Variants in NFKB1 observed in about 807,000 individuals in gnomAD.
NFKB1 encodes the protein nuclear factor kappa B subunit 1.
Under a neutral mutation model 105.1 loss-of-function variants are expected in NFKB1, and 9 were observed. The ratio of observed to expected loss-of-function variants is 0.09; its 90% CI spans 0.05 to 0.15. The LOEUF (loss-of-function observed/expected upper bound fraction) is 0.15. Ranked by LOEUF, NFKB1 falls within the 10% of genes least tolerant of loss-of-function variation. The pLI, the probability that NFKB1 is intolerant of heterozygous loss-of-function variation, is 1.00. For synonymous variants in NFKB1, 440 were observed against 442.2 expected, an observed-to-expected ratio of 1.00 and a Z score of 0.06; for missense variants, 830 against 1,203.7, an observed-to-expected ratio of 0.69 and a Z score of 4.59.
At chr4:102,531,007 T>C (rs1741255687) in intron 3 of NFKB1, among the ~76,000 whole-genome samples, 1 of 152,132 alleles carries the variant, frequency 6.6e-6, no homozygotes, top group South Asian at 2.1e-4. Context: ...AGTAAATGTG[T>C]TGGTAGTGTG....
chr4:102,580,718 A>G, intron 9 of NFKB1, 79 bp downstream of exon 9: 1 of 1,145,418 alleles, frequency 8.7e-7, no homozygotes, highest in Non-Finnish European at 1.3e-6. Flanking sequence ...TGTGAGTCAC[A>G]TTTCAGCAGT....
chr4:102,571,263 G>A (rs1724329257), intron 6 of NFKB1, among the ~76,000 whole-genome samples: 1 of 152,178 alleles, frequency 6.6e-6, no homozygotes, highest in Admixed American at 6.5e-5. Flanking sequence ...ATGGTGCTGG[G>A]AAAACTGGCT....
intron 6 of NFKB1, among the ~76,000 whole-genome samples, chr4:102,574,544 A>G (rs551947623): frequency 5.5e-4 from 83 of 152,102 alleles, no homozygotes; most frequent in African/African-American, 1.6e-3. Flanking sequence ...GCTTCCTCCA[A>G]TATTTAACTG....
chr4:102,551,000 TA>T (rs1722532777), intron 5 of NFKB1, among the ~76,000 whole-genome samples: 1 of 152,192 alleles, frequency 6.6e-6, no homozygotes, highest in African/African-American at 2.4e-5. Flanking sequence ...ATTTTTAAAA[TA>T]GGTGTATAAA....
At chr4:102,586,195 A>G (rs1045403588) in intron 11 of NFKB1, among the ~76,000 whole-genome samples, 1 of 152,134 alleles carries the variant, frequency 6.6e-6, no homozygotes, top group African/African-American at 2.4e-5. Context: ...GACTTAAGAG[A>G]GAGTGCAGTG....
chr4:102,597,583 A>G lies in NFKB1; in HGVS notation c.1559A>G (p.Tyr520Cys). The G allele has an allele frequency of 6.2e-7, 1 of 1,613,998 alleles. No individual in the cohort carries two copies. The highest frequency in any genetic ancestry group is 8.5e-7 in the Non-Finnish European group (1 of 1,179,926). Residue 520 changes from tyrosine to cysteine, a missense_variant, in exon 15 of 24, where the codon TAC becomes TGC. Transcript: ENST00000226574. ...AKRHANALFDYAVTGDVKMLL... is the reference protein window; with the variant it reads ...AKRHANALFDCAVTGDVKMLL... Reference sequence around the variant, plus strand: ...AGGCATGCCAATGCCCTTTTCGACTACGCGGTGACAGGAGACGTGAAGATG... The same window carrying G: ...AGGCATGCCAATGCCCTTTTCGACTGCGCGGTGACAGGAGACGTGAAGATG...
chr4:102,568,037 T>C (rs1724016996), intron 6 of NFKB1, among the ~76,000 whole-genome samples: 1 of 152,240 alleles, frequency 6.6e-6, no homozygotes, highest in Non-Finnish European at 1.5e-5. Flanking sequence ...TTAAATAGTT[T>C]ATGCTGAAAT....
chr4:102,548,856 A>G (rs1722343993), intron 5 of NFKB1, among the ~76,000 whole-genome samples: 1 of 151,878 alleles, frequency 6.6e-6, no homozygotes, highest in Non-Finnish European at 1.5e-5. Flanking sequence ...GAGACCTGTC[A>G]TTGTGTTTAC....
intron 13 of NFKB1, 80 bp downstream of exon 13, chr4:102,595,061 T>C: frequency 2.3e-6 from 2 of 865,750 alleles, no homozygotes; most frequent in Non-Finnish European, 3.7e-6. Context: ...TCATTACTTA[T>C]CACAACAGTA....
chr4:102,577,516 C>A (rs750770072), intron 7 of NFKB1, among the ~76,000 whole-genome samples: 3 of 152,120 alleles, frequency 2.0e-5, no homozygotes, highest in African/African-American at 4.8e-5. Context: ...AAACTATTAT[C>A]TTTATCATAA....
chr4:102,520,667 T>A (rs536977087), intron 1 of NFKB1, among the ~76,000 whole-genome samples: 6 of 152,146 alleles, frequency 3.9e-5, no homozygotes, highest in Admixed American at 1.3e-4. Flanking sequence ...TTAAAAACTT[T>A]CAGAAATCAG....
chr4:102,539,736 A>G (rs2149130128), intron 5 of NFKB1, among the ~76,000 whole-genome samples: 1 of 152,320 alleles, frequency 6.6e-6, no homozygotes, highest in Admixed American at 6.5e-5. Context: ...AAACAGACTC[A>G]GAGAATGGAA....
At chr4:102,603,813 C>G (rs1338712626) in intron 16 of NFKB1, among the ~76,000 whole-genome samples, 3 of 152,162 alleles carry the variant, frequency 2.0e-5, no homozygotes. Context: ...CTGTCATGAT[C>G]AAATTCCTCT....
At chr4:102,545,457 A>G (rs1469532464) in intron 5 of NFKB1, among the ~76,000 whole-genome samples, 1 of 152,140 alleles carries the variant, frequency 6.6e-6, no homozygotes, top group Non-Finnish European at 1.5e-5. Context: ...AGGTTCTGTG[A>G]TCCGCATTTT....
chr4:102,550,063 C>CTTCATTCTTCT (rs1722456460), intron 5 of NFKB1, among the ~76,000 whole-genome samples: 1 of 151,718 alleles, frequency 6.6e-6, no homozygotes, highest in Admixed American at 6.6e-5. Context: ...AAAGAGCTTT[C>CTTCATTCTTCT]TTCATTCTTC....
chr4:102,506,260 A>T (rs1390709249), intron 1 of NFKB1, among the ~76,000 whole-genome samples: 1 of 152,332 alleles, frequency 6.6e-6, no homozygotes, highest in East Asian at 1.9e-4. Context: ...TCAAATACTA[A>T]TACCTCCAAA....
At chr4:102,530,732 C>G (rs1023015015) in intron 3 of NFKB1, among the ~76,000 whole-genome samples, 8 of 152,102 alleles carry the variant, frequency 5.3e-5, no homozygotes, top group Non-Finnish European at 1.2e-4. Flanking sequence ...GTATTATTCT[C>G]ATTTAAAATT....
intron 5 of NFKB1, among the ~76,000 whole-genome samples, chr4:102,548,233 T>A (rs1722287362): frequency 1.3e-5 from 2 of 152,064 alleles, no homozygotes; most frequent in South Asian, 2.1e-4. Flanking sequence ...ATAGGTGGGT[T>A]TCAAGCAAGC....
intron 1 of NFKB1, chr4:102,503,350 A>G (rs1317404624): frequency 6.6e-6 from 1 of 151,896 alleles, no homozygotes; most frequent in Non-Finnish European, 1.5e-5. Flanking sequence ...TTTAGATAAA[A>G]TGTCTTCCTG....
Sources: gnomAD v4.1 joint callset for allele counts (sites outside exome capture counted in the v4.1 genomes callset) on GRCh38, gnomAD v4.1.1 for gene constraint, MANE v1.5 for transcripts, NCBI Gene and HGNC (gene_info 2026-07-23, HGNC 2026-07-21) for gene names.